The following MEF2A variants were observed in gnomAD, a reference collection of about 807,000 sequenced individuals.
MEF2A encodes the protein myocyte-specific enhancer factor 2A.
Under a neutral mutation model 55.8 loss-of-function variants are expected in MEF2A, and 28 were observed. The observed-to-expected ratio is 0.50, with a 90% confidence interval of 0.37 to 0.69. MEF2A has a LOEUF of 0.69. MEF2A is among the 30% of genes least tolerant of loss of function. The pLI is 0.00. For synonymous variants in MEF2A, 239 were observed against 227.1 expected (o/e 1.05, Z -0.47); for missense variants, 528 against 626.2 (o/e 0.84, Z 1.67).
At chr15:99,596,491 G>A (rs2153023244) in intron 1 of MEF2A, among the ~76,000 whole-genome samples, 1 of 152,160 alleles carries the variant, frequency 6.6e-6, no homozygotes, top group East Asian at 1.9e-4. Context: ...TTGGCAGTTT[G>A]TGTTTTTCCC....
intron 5 of MEF2A, 54 bp downstream of exon 5, chr15:99,671,508 T>A: frequency 6.2e-7 from 1 of 1,613,898 alleles, no homozygotes; most frequent in Non-Finnish European, 8.5e-7. Flanking sequence ...TTTTGTTAAC[T>A]TCATTATTTA....
chr15:99,668,747 G>T (rs543577972), intron 4 of MEF2A, among the ~76,000 whole-genome samples: 4 of 152,282 alleles, frequency 2.6e-5, no homozygotes, highest in African/African-American at 9.6e-5. Context: ...ATGTACCTGG[G>T]CCTGGCCTTC....
chr15:99,678,666 G>C (rs1337519033), intron 7 of MEF2A: 1 of 984,924 alleles, frequency 1.0e-6, no homozygotes, highest in East Asian at 1.1e-4. Flanking sequence ...ACTGCTAAAA[G>C]AAGAGGCATC....
chr15:99,640,632 C>A (rs1002822754), intron 3 of MEF2A, among the ~76,000 whole-genome samples: 1 of 150,550 alleles, frequency 6.6e-6, no homozygotes, highest in African/African-American at 2.4e-5. Context: ...TCATGGCTCA[C>A]TGCAGCCTTG....
intron 2 of MEF2A, among the ~76,000 whole-genome samples, chr15:99,603,391 CA>C (rs1019677208): frequency 7.9e-6 from 1 of 127,336 alleles, no homozygotes; most frequent in African/African-American, 3.0e-5. Flanking sequence ...TTTTTTTTTT[CA>C]AAGACAGTCT....
chr15:99,578,254 C>T (rs912764340), intron 1 of MEF2A, among the ~76,000 whole-genome samples: 1 of 152,156 alleles, frequency 6.6e-6, no homozygotes, highest in East Asian at 1.9e-4. Context: ...CCTTCTCCCT[C>T]GTTTATTTAT....
At chr15:99,601,300 C>T (rs1269591696) in intron 2 of MEF2A, among the ~76,000 whole-genome samples, 1 of 152,064 alleles carries the variant, frequency 6.6e-6, no homozygotes, top group Non-Finnish European at 1.5e-5. Context: ...TTCTTCAAAT[C>T]ATCTGTGTAG....
At chr15:99,602,653 GGTGTGTGTGTGTGTGTGT>G (rs773502316) in intron 2 of MEF2A, among the ~76,000 whole-genome samples, 40 of 44,860 alleles carry the variant, frequency 8.9e-4, no homozygotes, top group African/African-American at 2.6e-3. Context: ...ACATTCCTGG[GGTGTGTGTGTGTGTGTGT>G]GTGTGTGTGT....
intron 3 of MEF2A, among the ~76,000 whole-genome samples, chr15:99,644,602 T>A (rs192667340): frequency 3.3e-5 from 5 of 152,378 alleles, no homozygotes; most frequent in Admixed American, 3.3e-4. Flanking sequence ...GTATGATAGG[T>A]ATCCATGGGG....
At position 99,645,778 on chromosome 15, in the gene MEF2A, A is replaced by G; in HGVS notation, c.258+14A>G. The stretch of plus-strand genomic sequence containing the variant: ...GATATTGTTGAGGTAACACATATCT[A>G]GTAATACGTGAATTGCAAGTAATAC... On this transcript the variant is annotated intron_variant, in intron 4 of 11. Transcript: ENST00000557942. 2 of 1,543,204 alleles carry G rather than the reference A, an allele frequency of 1.3e-6. No homozygotes were observed. Among genetic ancestry groups the G allele is most frequent in the Non-Finnish European group, 1.8e-6 (2 of 1,133,866 alleles).
chr15:99,580,653 A>G (rs1340831176), intron 1 of MEF2A, among the ~76,000 whole-genome samples: 1 of 152,232 alleles, frequency 6.6e-6, no homozygotes, highest in African/African-American at 2.4e-5. Flanking sequence ...TTGTGTCTAT[A>G]ATATAAATAG....
chr15:99,583,339 C>G (rs1596281289), intron 1 of MEF2A, among the ~76,000 whole-genome samples: 2 of 152,116 alleles, frequency 1.3e-5, no homozygotes, highest in Admixed American at 6.6e-5. Context: ...AGCATCCAAA[C>G]TTTTTCTACA....
At chr15:99,601,105 A>C (rs911893503) in intron 2 of MEF2A, among the ~76,000 whole-genome samples, 23 of 152,196 alleles carry the variant, frequency 1.5e-4, no homozygotes, top group Non-Finnish European at 3.1e-4. Context: ...CAGTGGTCTG[A>C]CACATAGTTT....
At chr15:99,638,584 A>G (rs1356709652) in intron 3 of MEF2A, among the ~76,000 whole-genome samples, 1 of 152,174 alleles carries the variant, frequency 6.6e-6, no homozygotes, top group Non-Finnish European at 1.5e-5. Flanking sequence ...TAACTGATAA[A>G]ACAGCCTAGT....
intron 1 of MEF2A, among the ~76,000 whole-genome samples, chr15:99,570,967 C>T (rs1188951360): frequency 2.0e-5 from 3 of 152,022 alleles, no homozygotes; most frequent in Non-Finnish European, 2.9e-5. Flanking sequence ...GGCAGATCAC[C>T]TGAGGTCGGG....
At chr15:99,642,998 T>C (rs1344512695) in intron 3 of MEF2A, among the ~76,000 whole-genome samples, 3 of 152,218 alleles carry the variant, frequency 2.0e-5, no homozygotes, top group Admixed American at 2.0e-4. Flanking sequence ...CTTTATTCCA[T>C]TTTGAATTTA....
chr15:99,645,810 A>C, intron 4 of MEF2A, 46 bp downstream of exon 4: 1 of 1,349,798 alleles, frequency 7.4e-7, no homozygotes, highest in Non-Finnish European at 1.0e-6. Flanking sequence ...ATACTGAAAT[A>C]TTTTGTTTAA....
intron 1 of MEF2A, among the ~76,000 whole-genome samples, chr15:99,593,871 C>G (rs1327988286): frequency 1.3e-5 from 2 of 152,064 alleles, no homozygotes; most frequent in African/African-American, 4.8e-5. Context: ...GGAGTACCTT[C>G]TATTAAAAAA....
chr15:99,683,457 A>C (rs2053611500), intron 7 of MEF2A, among the ~76,000 whole-genome samples: 1 of 152,156 alleles, frequency 6.6e-6, no homozygotes, highest in South Asian at 2.1e-4. Context: ...CCCAGGCTGG[A>C]CTACAGTGGC....
Sources: allele counts gnomAD v4.1 joint callset (sites outside exome capture counted in the v4.1 genomes callset), GRCh38; gene constraint gnomAD v4.1.1; transcripts MANE v1.5; gene names NCBI Gene and HGNC (gene_info 2026-07-23, HGNC 2026-07-21).